Variants in CSMD1 observed in about 807,000 individuals in gnomAD.
The protein encoded by CSMD1 is CUB and Sushi multiple domains 1.
A neutral mutation model predicts 417.5 loss-of-function variants in CSMD1; 213 were observed. That is an observed-to-expected ratio of 0.51 (90% confidence interval 0.46 to 0.57). The LOEUF (loss-of-function observed/expected upper bound fraction) is 0.57. Ranked by LOEUF, CSMD1 falls within the 20% of genes least tolerant of loss-of-function variation. The probability of loss-of-function intolerance (pLI) is 0.00; values close to 1 mark genes in which losing one functional copy is unlikely to be tolerated. For synonymous variants in CSMD1, 2,862 were observed against 1,736.8 expected, an observed-to-expected ratio of 1.65 and a Z score of -16.11; for missense variants, 6,923 against 4,529.7, an observed-to-expected ratio of 1.53 and a Z score of -15.17.
At chr8:4,804,903 TAAAAG>T (rs1177530182) in intron 1 of CSMD1, among the ~76,000 whole-genome samples, 1 of 152,086 alleles carries the variant, frequency 6.6e-6, no homozygotes, top group Non-Finnish European at 1.5e-5. Flanking sequence ...GCTTCCCTAA[TAAAAG>T]AGAAAAGAAA....
At chr8:4,042,814 T>TAAAAAAAA (rs1563355345) in intron 3 of CSMD1, among the ~76,000 whole-genome samples, 1 of 21,018 alleles carries the variant, frequency 4.8e-5, no homozygotes, top group African/African-American at 2.5e-4. Context: ...GTACAACATA[T>TAAAAAAAA]TAAAAAAAAA....
chr8:4,824,290 G>C (rs1373267259), intron 1 of CSMD1, among the ~76,000 whole-genome samples: 2 of 152,012 alleles, frequency 1.3e-5, no homozygotes, highest in Non-Finnish European at 2.9e-5. Flanking sequence ...TTTTTCTTGG[G>C]TACGTATCAA....
chr8:3,805,280 G>C (rs897772456), intron 5 of CSMD1, among the ~76,000 whole-genome samples: 1 of 152,170 alleles, frequency 6.6e-6, no homozygotes, highest in African/African-American at 2.4e-5. Flanking sequence ...CAGCATCGCA[G>C]AGGAAGGAGC....
At chr8:3,832,005 A>T (rs962743878) in intron 5 of CSMD1, among the ~76,000 whole-genome samples, 6 of 152,064 alleles carry the variant, frequency 3.9e-5, no homozygotes. Flanking sequence ...TTTTTGGTAA[A>T]TTTTTAAAAA....
chr8:4,237,443 C>T (rs1179669548), intron 3 of CSMD1, among the ~76,000 whole-genome samples: 1 of 152,094 alleles, frequency 6.6e-6, no homozygotes, highest in African/African-American at 2.4e-5. Context: ...TATGTATACC[C>T]TAAACGGTAA....
intron 26 of CSMD1, among the ~76,000 whole-genome samples, chr8:3,272,223 C>G (rs1214603207): frequency 6.8e-6 from 1 of 146,062 alleles, no homozygotes; most frequent in Non-Finnish European, 1.5e-5. Context: ...TCAGGTTTGT[C>G]AAAGATCAGA....
chr8:3,952,829 C>A (rs927350369), intron 5 of CSMD1, among the ~76,000 whole-genome samples: 3 of 152,144 alleles, frequency 2.0e-5, no homozygotes, highest in Admixed American at 2.0e-4. Flanking sequence ...GAAATAAAAG[C>A]AGAAAGTTAT....
At chr8:3,668,070 T>C (rs757599485) in intron 7 of CSMD1, among the ~76,000 whole-genome samples, 2 of 152,106 alleles carry the variant, frequency 1.3e-5, no homozygotes, top group Non-Finnish European at 2.9e-5. Flanking sequence ...TCAGTCTCAA[T>C]CAGGTGCAGT....
At chr8:4,320,902 C>T (rs1295454847) in intron 3 of CSMD1, among the ~76,000 whole-genome samples, 1 of 152,088 alleles carries the variant, frequency 6.6e-6, no homozygotes, top group Non-Finnish European at 1.5e-5. Flanking sequence ...TTGTTTTTCA[C>T]TTATAGTATC....
chr8:4,323,857 C>G (rs546082382), intron 3 of CSMD1, among the ~76,000 whole-genome samples: 13 of 152,180 alleles, frequency 8.5e-5, no homozygotes, highest in African/African-American at 3.1e-4. Flanking sequence ...GAGAGTTTAG[C>G]TTAAGGCAAC....
chr8:3,788,520 T>A (rs943261757), intron 5 of CSMD1, among the ~76,000 whole-genome samples: 1 of 152,170 alleles, frequency 6.6e-6, no homozygotes, highest in Non-Finnish European at 1.5e-5. Flanking sequence ...GTTTCCTTCA[T>A]CTCACCTCAG....
chr8:4,026,546 A>T (rs1797074870), intron 4 of CSMD1, among the ~76,000 whole-genome samples: 1 of 152,192 alleles, frequency 6.6e-6, no homozygotes, highest in African/African-American at 2.4e-5. Flanking sequence ...AATGAAGGAA[A>T]ATACTCTTGG....
chr8:4,304,740 A>G (rs1425828270), intron 3 of CSMD1, among the ~76,000 whole-genome samples: 1 of 152,208 alleles, frequency 6.6e-6, no homozygotes, highest in African/African-American at 2.4e-5. Context: ...ACTTGGTAAA[A>G]GAAAAGACCA....
At chr8:4,859,499 G>T (rs561282748) in intron 1 of CSMD1, among the ~76,000 whole-genome samples, 1 of 152,022 alleles carries the variant, frequency 6.6e-6, no homozygotes, top group African/African-American at 2.4e-5. Flanking sequence ...GAAAATTCTC[G>T]CAACCTACTC....
At position 3,724,360 on chromosome 8, in the gene CSMD1, A is replaced by T. The variant is rs1227373624; in HGVS notation, c.932-15869T>A. ...CTATCCCGGGTTTTTGTTTGGTCAA[A>T]TATACTTATTTTCATAAATATATAT... On this transcript the variant is annotated intron_variant, in intron 6 of 69. Coordinates refer to ENST00000635120, the MANE Select transcript of CSMD1 (RefSeq NM_033225.6). Among the ~76,000 whole-genome samples the T allele has an allele frequency of 2.0e-5, 3 of 152,174 alleles. No homozygotes were observed. The South Asian group carries it at 6.2e-4, about 31-fold the overall frequency.
chr8:3,498,482 A>G (rs35426786), intron 10 of CSMD1, among the ~76,000 whole-genome samples: 7,680 of 152,278 alleles, frequency 0.05, 211 homozygotes, highest in African/African-American at 0.063. Context: ...TTTGGAGAGC[A>G]TCTTTGGCAT....
intron 3 of CSMD1, among the ~76,000 whole-genome samples, chr8:4,348,883 T>C (rs894581435): frequency 2.1e-4 from 32 of 152,314 alleles, no homozygotes; most frequent in African/African-American, 7.2e-4. Flanking sequence ...TCTGTTGCTC[T>C]GATTGAGTCA....
chr8:3,800,137 G>A (rs1234303490), intron 5 of CSMD1, among the ~76,000 whole-genome samples: 2 of 152,066 alleles, frequency 1.3e-5, no homozygotes, highest in Non-Finnish European at 2.9e-5. Context: ...TATTGTGTAT[G>A]AGTTGTTTCC....
intron 10 of CSMD1, among the ~76,000 whole-genome samples, chr8:3,494,762 G>C (rs576897731): frequency 6.6e-6 from 1 of 152,266 alleles, no homozygotes; most frequent in East Asian, 1.9e-4. Flanking sequence ...GAAGAGAGAA[G>C]GGACAGGAGG....
Sources: gnomAD v4.1 joint callset for allele counts (sites outside exome capture counted in the v4.1 genomes callset) on GRCh38, gnomAD v4.1.1 for gene constraint, MANE v1.5 for transcripts, NCBI Gene and HGNC (gene_info 2026-07-23, HGNC 2026-07-21) for gene names.